The following RRN3 variants were observed in gnomAD, a reference collection of about 807,000 sequenced individuals.
The protein encoded by RRN3 is RNA polymerase I-specific transcription initiation factor RRN3.
In RRN3, 38 loss-of-function variants were observed where a neutral mutation model predicts 82.3. The observed-to-expected ratio is 0.46, with a 90% CI of 0.36 to 0.61. The LOEUF is 0.61. Among genes scored for constraint, RRN3 ranks in the 20% least tolerant of loss-of-function variants. The pLI is 0.00. For missense variants in RRN3, 726 were observed against 793.1 expected (o/e 0.92, Z 1.02); for synonymous variants, 284 against 284.3 (o/e 1.00, Z 0.01).
In RRN3 at chr16:15,061,702, G is replaced by T; in HGVS notation, c.*42C>A. Reference sequence around the variant, plus strand: ...GGGTGCTGAGGGCATGACAAGTGATGGGGAATCCCAAATGTCACATCTCAG... The same window carrying T: ...GGGTGCTGAGGGCATGACAAGTGATTGGGAATCCCAAATGTCACATCTCAG... On this transcript the variant is annotated 3_prime_UTR_variant, in exon 18 of 18. Transcript: ENST00000198767. 1 of 1,580,726 alleles carries T rather than the reference G, an allele frequency of 6.3e-7. No homozygotes were observed. The highest frequency in any genetic ancestry group is 1.3e-5 in the African/African-American group (1 of 74,578).
chr16:15,073,174 A>C (rs1230864445), intron 11 of RRN3, 94 bp from the exon 12 acceptor site: 2 of 1,414,228 alleles, frequency 1.4e-6, no homozygotes, highest in African/African-American at 2.9e-5. Flanking sequence ...ATTAAAAAAC[A>C]ACATTATCCA....
At chr16:15,072,635 T>A (rs1349715037) in intron 12 of RRN3, among the ~76,000 whole-genome samples, 1 of 152,024 alleles carries the variant, frequency 6.6e-6, no homozygotes. Context: ...AAACCCCACC[T>A]CTTCTAAAAA....
At position 15,086,187 on chromosome 16, in the gene RRN3, T is replaced by A; in HGVS notation, c.414A>T (p.Ser138=). The change falls in exon 5 of 18, where the codon TCA becomes TCT. Residue 138 remains serine (S), a synonymous_variant. Transcript: ENST00000198767. The part of the protein sequence containing the change: ...EYLAFLGNLV[S]AQTVFLRPCL... ...ACGGTCTGAGGAAAACAGTCTGTGC[T>A]GATACAAGATTACCAAGAAAAGCCA... The A allele has an allele frequency of 6.3e-7, 1 of 1,596,212 alleles. No homozygotes were observed. The highest frequency in any genetic ancestry group is 8.6e-7 in the Non-Finnish European group (1 of 1,167,784).
rs374626074 is a variant in RRN3, at chr16:15,071,268, C to T, written c.1129-17G>A. 206 of 1,585,852 alleles carry T rather than the reference C, an allele frequency of 1.3e-4. No homozygotes were observed. Among genetic ancestry groups the T allele is most frequent in the Middle Eastern group, 4.6e-4 (2 of 4,326 alleles). ...TGCGAATCCCTATAAAAAGAGAGGG[C>T]GTCGGTGTGATCTTTTTTAATGCCT... On this transcript the variant is annotated splice_polypyrimidine_tract_variant and intron_variant, in intron 12 of 17. Transcript: ENST00000198767.
At chr16:15,074,897 A>T (rs2045385939) in intron 10 of RRN3, 36 bp from the exon 11 acceptor site, 2 of 1,576,552 alleles carry the variant, frequency 1.3e-6, no homozygotes, top group African/African-American at 2.7e-5. Context: ...ACATTAAAAA[A>T]TTCAATGTCA....
In RRN3 at chr16:15,094,235, G is replaced by A. The variant is rs1038199599; in HGVS notation, c.-2C>T. The A allele has an allele frequency of 1.3e-6, 2 of 1,582,300 alleles. No individual in the cohort carries two copies. The highest frequency in any genetic ancestry group is 2.7e-5 in the African/African-American group (2 of 74,504). On this transcript the variant is annotated 5_prime_UTR_variant, in exon 1 of 18. Transcript: ENST00000198767. Reference sequence around the variant, plus strand: ...CGTGTGAAGCAGCGGTGCCGCCATTGGGCCGAACTAACGCGACCGCTGCGC... The same window carrying A: ...CGTGTGAAGCAGCGGTGCCGCCATTAGGCCGAACTAACGCGACCGCTGCGC...
At chr16:15,063,697 T>A (rs2044820290) in intron 16 of RRN3, among the ~76,000 whole-genome samples, 1 of 109,758 alleles carries the variant, frequency 9.1e-6, no homozygotes, top group Non-Finnish European at 1.8e-5. Flanking sequence ...AGAGCAAGAC[T>A]CTGTCTCAAA....
chr16:15,078,126 T>C (rs2045544118), intron 9 of RRN3, among the ~76,000 whole-genome samples: 1 of 152,216 alleles, frequency 6.6e-6, no homozygotes, highest in African/African-American at 2.4e-5. Context: ...TTCTAAAATG[T>C]TCCTTAAGTA....
chr16:15,072,957 A>C lies in RRN3; in HGVS notation c.1121T>G (p.Phe374Cys). The C allele has an allele frequency of 6.8e-6, 11 of 1,613,414 alleles. No homozygotes were observed. The highest frequency in any genetic ancestry group is 9.3e-6 in the Non-Finnish European group (11 of 1,179,870). ...VQFFMFYLCS[F>C]KLGFAEAFLE... ...AATCACATTCTTACTCACCAATTTG[A>C]AACTACAGAGGTAAAACATGAAAAA... The change falls in exon 12 of 18, where the codon TTC (phenylalanine) becomes TGC (cysteine). Residue 374 changes from phenylalanine (F) to cysteine (C), a missense_variant. Transcript: ENST00000198767.
At chr16:15,094,054 A>G in intron 1 of RRN3, 91 bp downstream of exon 1, 1 of 1,151,688 alleles carries the variant, frequency 8.7e-7, no homozygotes, top group Non-Finnish European at 1.3e-6. Flanking sequence ...ACACGCCATG[A>G]GCTTTGTCCC....
chr16:15,064,983 A>T lies in RRN3; in HGVS notation c.1706+236T>A, dbSNP rs570359313. Among the ~76,000 whole-genome samples the T allele has an allele frequency of 5.9e-5, 9 of 152,222 alleles. No individual in the cohort carries two copies. The East Asian group carries it at 9.7e-4, about 16-fold the overall frequency. On this transcript the variant is annotated intron_variant, in intron 16 of 17. Transcript: ENST00000198767. ...AGATCGAGAACATCCCGGCTAACAC[A>T]GTCAAACCCCGTCTCTACTAAAAAT...
intron 16 of RRN3, among the ~76,000 whole-genome samples, chr16:15,064,178 T>C (rs2044851221): frequency 6.6e-6 from 1 of 152,090 alleles, no homozygotes; most frequent in Non-Finnish European, 1.5e-5. Flanking sequence ...TTGTTTTTTT[T>C]TTGTTTTGTT....
At chr16:15,063,958 G>C (rs540675618) in intron 16 of RRN3, among the ~76,000 whole-genome samples, 80 of 152,104 alleles carry the variant, frequency 5.3e-4, no homozygotes, top group Non-Finnish European at 9.3e-4. Flanking sequence ...TTATATTTCT[G>C]TAGTAATTTG....
At position 15,086,562 on chromosome 16, in the gene RRN3, G is replaced by T; in HGVS notation, c.253-108C>A. The T allele has an allele frequency of 4.0e-6, 6 of 1,501,122 alleles. No individual in the cohort carries two copies. The South Asian group carries it at 7.8e-5, about 19-fold the overall frequency. 93.0% of individuals were successfully genotyped at this position (1,501,122 alleles called of 1,614,324 possible). A position where few individuals can be genotyped will look rare whatever the true frequency, so the allele number is the denominator to read the frequency against. On this transcript the variant is annotated intron_variant, in intron 3 of 17. Coordinates refer to ENST00000198767, the MANE Select transcript of RRN3 (RefSeq NM_018427.5). ...ATCAAGAATAGGTTGGGGGGAAAAG[G>T]TCACAAACTTGGAAGGAACTCAAAA...
intron 11 of RRN3, among the ~76,000 whole-genome samples, 200 bp downstream of exon 11, chr16:15,074,523 A>G (rs761267786): frequency 8.5e-5 from 13 of 152,254 alleles, no homozygotes; most frequent in Admixed American, 5.2e-4. Flanking sequence ...GAAGACAAAT[A>G]TAACTCAGCC....
chr16:15,070,177 G>A lies in RRN3; in HGVS notation c.1337C>T (p.Ala446Val). Reference sequence around the variant, plus strand: ...TCCATGGAGAGCAACATCGCAGAATGCCTTTGTTCCCGAATCCTGGTTATT... The same window carrying A: ...TCCATGGAGAGCAACATCGCAGAATACCTTTGTTCCCGAATCCTGGTTATT... ...YLNNQDSGTKAFCDVALHGPF... is the reference protein window; with the variant it reads ...YLNNQDSGTKVFCDVALHGPF... Residue 446 changes from alanine (A) to valine (V), a missense_variant, in exon 14 of 18, where the codon GCA becomes GTA. Ala to Val is a moderately conservative substitution (Grantham distance 64, BLOSUM62 0). Coordinates refer to ENST00000198767, the MANE Select transcript of RRN3 (RefSeq NM_018427.5). The A allele has an allele frequency of 6.2e-7, 1 of 1,609,882 alleles. No homozygotes were observed. The highest frequency in any genetic ancestry group is 8.5e-7 in the Non-Finnish European group (1 of 1,178,844).
Position 15,061,304 on chromosome 16 carries a change from G to C in RRN3, c.*440C>G, listed in dbSNP as rs954199823. The C allele has an allele frequency of 6.2e-6, 1 of 161,516 alleles. No homozygotes were observed. Among genetic ancestry groups the C allele is most frequent in the Non-Finnish European group, 1.3e-5 (1 of 74,628 alleles). The allele number at this position is 161,516 out of a possible 1,614,324, so 10.0% of individuals were successfully genotyped here. A position where few individuals can be genotyped will look rare whatever the true frequency, so the allele number is the denominator to read the frequency against. Reference sequence around the variant, plus strand: ...ACTTTCTAGTTAAAGTCTTTAAATAGAAGTTTTATCTTAGAGGATTCTTCA... The same window carrying C: ...ACTTTCTAGTTAAAGTCTTTAAATACAAGTTTTATCTTAGAGGATTCTTCA... On this transcript the variant is annotated 3_prime_UTR_variant, in exon 18 of 18. Coordinates refer to ENST00000198767, the MANE Select transcript of RRN3 (RefSeq NM_018427.5).
chr16:15,061,792 A>T lies in RRN3; in HGVS notation c.1908T>A (p.Ser636Arg). ...SFDTHFRSPS[S>R]SVGSPPVLYM... The stretch of plus-strand genomic sequence containing the variant: ...ACAACACGGGTGGGGAGCCCACACT[A>T]CTTGAAGGACTTCGGAAATGCGTGT... Residue 636 changes from serine (S) to arginine (R), a missense_variant, in exon 18 of 18, where the codon AGT (serine) becomes AGA (arginine). Physicochemically the swap from Ser to Arg is moderately radical, Grantham distance 110 (BLOSUM62 -1). Transcript: ENST00000198767. The T allele has an allele frequency of 6.2e-7, 1 of 1,614,168 alleles. No individual in the cohort carries two copies. Among genetic ancestry groups the T allele is most frequent in the African/African-American group, 1.3e-5 (1 of 75,080 alleles).
At chr16:15,072,245 CAAAA>C (rs55852324) in intron 12 of RRN3, among the ~76,000 whole-genome samples, 24 of 133,442 alleles carry the variant, frequency 1.8e-4, no homozygotes, top group Non-Finnish European at 1.1e-4. Flanking sequence ...TTTCCCCCAC[CAAAA>C]AAAAAAAAAA....
Sources: gnomAD v4.1 joint callset for allele counts (sites outside exome capture counted in the v4.1 genomes callset) on GRCh38, gnomAD v4.1.1 for gene constraint, MANE v1.5 for transcripts, NCBI Gene and HGNC (gene_info 2026-07-23, HGNC 2026-07-21) for gene names.